Variants in VDAC1 observed in about 807,000 individuals in gnomAD.
The protein encoded by VDAC1 is voltage dependent anion channel 1, also known as non-selective voltage-gated ion channel VDAC1.
In VDAC1, 10 loss-of-function variants were observed where a neutral mutation model predicts 34.7. The observed-to-expected ratio is 0.29, with a 90% CI of 0.18 to 0.49. The LOEUF (loss-of-function observed/expected upper bound fraction) is 0.49. Among genes scored for constraint, VDAC1 ranks in the 20% least tolerant of loss-of-function variants. VDAC1 has a pLI of 0.99. For synonymous variants in VDAC1, 130 were observed against 136.0 expected (o/e 0.96, Z 0.30); for missense variants, 230 against 347.9 (o/e 0.66, Z 2.69).
the VDAC1 span, among the ~76,000 whole-genome samples, chr5:134,063,836 TATCTA>T: frequency 1.3e-5 from 2 of 152,024 alleles, no homozygotes; most frequent in Admixed American, 6.6e-5. Flanking sequence ...TTTACTTACT[TATCTA>T]TTTATTTTTA....
At chr5:134,106,707 G>A in the VDAC1 span, among the ~76,000 whole-genome samples, 98,824 of 151,998 alleles carry the variant, frequency 0.65, 33,353 homozygotes, top group Non-Finnish European at 0.76. Context: ...CGCCTGGCCC[G>A]TCATCCTATC....
rs1282642269 is a variant in VDAC1, at chr5:133,972,013, A to G, written c.*758T>C. The G allele has an allele frequency of 6.6e-6, 1 of 152,638 alleles. No homozygotes were observed. The highest frequency in any genetic ancestry group is 1.5e-5 in the Non-Finnish European group (1 of 68,042). The allele number at this position is 152,638 out of a possible 1,614,324, so 9.5% of individuals were successfully genotyped here. A position where few individuals can be genotyped will look rare whatever the true frequency, so the allele number is the denominator to read the frequency against. On this transcript the variant is annotated 3_prime_UTR_variant, in exon 9 of 9. Coordinates refer to ENST00000265333, the MANE Select transcript of VDAC1 (RefSeq NM_003374.3). The stretch of plus-strand genomic sequence containing the variant: ...AACAAAATGGAAGACTCTAAAATGT[A>G]CCCATTAAACTGCTAAAAAACAAAT...
the VDAC1 span, among the ~76,000 whole-genome samples, chr5:134,027,212 C>G: frequency 4.6e-5 from 7 of 152,130 alleles, no homozygotes; most frequent in Non-Finnish European, 1.0e-4. Flanking sequence ...GAGTCAATGG[C>G]CTGCAAAGTG....
the VDAC1 span, among the ~76,000 whole-genome samples, chr5:134,021,539 A>T: frequency 6.8e-6 from 1 of 148,066 alleles, no homozygotes; most frequent in South Asian, 2.2e-4. Context: ...GTGGCTGCAT[A>T]GTATTGAGAC....
At chr5:134,001,231 C>T (rs1248652301) in intron 1 of VDAC1, among the ~76,000 whole-genome samples, 4 of 152,236 alleles carry the variant, frequency 2.6e-5, no homozygotes, top group African/African-American at 4.8e-5. Flanking sequence ...CCCAACTCCA[C>T]TCCTGCCAGG....
At chr5:133,977,055 GTAAAAA>G in intron 6 of VDAC1, among the ~76,000 whole-genome samples, 1 of 152,136 alleles carries the variant, frequency 6.6e-6, no homozygotes, top group East Asian at 1.9e-4. Context: ...AAAAATAAAA[GTAAAAA>G]TAAAAAATGT....
At chr5:134,019,521 A>C in the VDAC1 span, among the ~76,000 whole-genome samples, 4 of 151,948 alleles carry the variant, frequency 2.6e-5, no homozygotes, top group Non-Finnish European at 4.4e-5. Flanking sequence ...TTAAGGCTGC[A>C]GTGAGCCATG....
At chr5:133,989,510 C>T (rs1409758621) in intron 5 of VDAC1, among the ~76,000 whole-genome samples, 2 of 152,010 alleles carry the variant, frequency 1.3e-5, no homozygotes, top group African/African-American at 2.4e-5. Flanking sequence ...CAGGCACGCA[C>T]CATCATGCCT....
the VDAC1 span, among the ~76,000 whole-genome samples, chr5:134,088,041 G>A: frequency 6.6e-6 from 1 of 151,346 alleles, no homozygotes; most frequent in African/African-American, 2.4e-5. Context: ...TGTAATCCCA[G>A]CTACTCAGGA....
At chr5:134,104,882 G>A in the VDAC1 span, among the ~76,000 whole-genome samples, 1 of 152,176 alleles carries the variant, frequency 6.6e-6, no homozygotes, top group Non-Finnish European at 1.5e-5. Flanking sequence ...GCCCTGCCAC[G>A]CCCAATCCCA....
At chr5:134,065,337 A>AT in the VDAC1 span, among the ~76,000 whole-genome samples, 743 of 101,342 alleles carry the variant, frequency 7.3e-3, 6 homozygotes, top group African/African-American at 0.016. Context: ...TTTAATTTTA[A>AT]TTTTTTTTTT....
At chr5:133,975,459 G>A (rs527933233) in intron 7 of VDAC1, among the ~76,000 whole-genome samples, 5 of 151,414 alleles carry the variant, frequency 3.3e-5, no homozygotes, top group Admixed American at 1.3e-4. Flanking sequence ...TTTTTGAGAC[G>A]GAGTCTTTTT....
the VDAC1 span, among the ~76,000 whole-genome samples, chr5:134,052,119 A>G: frequency 6.6e-6 from 1 of 152,160 alleles, no homozygotes; most frequent in Non-Finnish European, 1.5e-5. Context: ...ACCAGCGGGA[A>G]AGGAAGATGC....
the VDAC1 span, among the ~76,000 whole-genome samples, chr5:134,107,665 A>G: frequency 6.6e-6 from 1 of 152,288 alleles, no homozygotes; most frequent in South Asian, 2.1e-4. Context: ...TGCTCAGGCA[A>G]CAGATGCTAC....
the VDAC1 span, among the ~76,000 whole-genome samples, chr5:134,080,200 G>A: frequency 6.6e-6 from 1 of 152,236 alleles, no homozygotes; most frequent in Admixed American, 6.5e-5. Flanking sequence ...CGTCAGACAC[G>A]AAGGATTTCT....
At chr5:134,109,090 A>G in the VDAC1 span, among the ~76,000 whole-genome samples, 1 of 151,466 alleles carries the variant, frequency 6.6e-6, no homozygotes, top group East Asian at 2.0e-4. Context: ...GGGGCCTGCT[A>G]ACTACTTCCT....
chr5:134,023,399 T>C, the VDAC1 span, among the ~76,000 whole-genome samples: 1 of 148,680 alleles, frequency 6.7e-6, no homozygotes, highest in East Asian at 2.0e-4. Flanking sequence ...GACATGTTGA[T>C]AGGTGCAGCA....
the VDAC1 span, among the ~76,000 whole-genome samples, chr5:134,038,038 G>A: frequency 6.6e-6 from 1 of 152,134 alleles, no homozygotes; most frequent in East Asian, 1.9e-4. Context: ...ATGTGCCAAA[G>A]ACTGGGGAAA....
chr5:134,058,061 A>G, the VDAC1 span, among the ~76,000 whole-genome samples: 126 of 150,264 alleles, frequency 8.4e-4, no homozygotes, highest in African/African-American at 2.9e-3. Context: ...ATGCCCAGCT[A>G]ATTTTTGTAT....
Sources: gnomAD v4.1 joint callset for allele counts (sites outside exome capture counted in the v4.1 genomes callset) on GRCh38, gnomAD v4.1.1 for gene constraint, MANE v1.5 for transcripts, NCBI Gene and HGNC (gene_info 2026-07-23, HGNC 2026-07-21) for gene names.